The following NCKAP5 variants were observed in gnomAD, a reference collection of about 807,000 sequenced individuals.
NCKAP5 encodes nck-associated protein 5.
In NCKAP5, 92 loss-of-function variants were observed where a neutral mutation model predicts 167.0. The ratio of observed to expected loss-of-function variants is 0.55; its 90% CI spans 0.47 to 0.66. The LOEUF is 0.66. Among genes scored for constraint, NCKAP5 ranks in the 30% least tolerant of loss-of-function variants. The pLI is 0.00. For synonymous variants in NCKAP5, 891 were observed against 877.4 expected, an observed-to-expected ratio of 1.02 and a Z score of -0.27; for missense variants, 2,378 against 2,315.0, an observed-to-expected ratio of 1.03 and a Z score of -0.56.
intron 10 of NCKAP5, among the ~76,000 whole-genome samples, chr2:132,867,761 C>T (rs1690472785): frequency 6.6e-6 from 1 of 152,054 alleles, no homozygotes; most frequent in Non-Finnish European, 1.5e-5. Flanking sequence ...GTTACCATTC[C>T]TGTTCGGCCT....
At chr2:133,602,635 TG>T in the NCKAP5 span, among the ~76,000 whole-genome samples, 1 of 152,214 alleles carries the variant, frequency 6.6e-6, no homozygotes, top group Non-Finnish European at 1.5e-5. Context: ...GGCTAAGTCT[TG>T]TTTTACAACT....
the NCKAP5 span, among the ~76,000 whole-genome samples, chr2:133,639,233 AT>A: frequency 6.6e-6 from 1 of 152,178 alleles, no homozygotes; most frequent in Non-Finnish European, 1.5e-5. Flanking sequence ...GTATAAACTG[AT>A]TCAGTAATTT....
intron 6 of NCKAP5, among the ~76,000 whole-genome samples, chr2:133,089,213 T>C (rs6723511): frequency 0.016 from 2,469 of 152,350 alleles, 69 homozygotes; most frequent in African/African-American, 0.056. Flanking sequence ...ATTCAGTCTA[T>C]AGTACTCACA....
chr2:132,784,935 A>AT lies in NCKAP5; in HGVS notation c.1875dup (p.Ser626IlefsTer7), dbSNP rs1558773036. The AT allele has an allele frequency of 6.3e-7, 1 of 1,598,780 alleles. No homozygotes were observed. Among genetic ancestry groups the AT allele is most frequent in the South Asian group, 1.1e-5 (1 of 88,600 alleles). On this transcript the variant is annotated frameshift_variant, in exon 14 of 20. Coordinates refer to ENST00000409261, the MANE Select transcript of NCKAP5 (RefSeq NM_207363.3). LOFTEE classifies it high-confidence loss of function. ...TCCTCTTCAGGAGACCCACATAGAGATTTTCCAAACCCCACAAGGACATCC... is the reference window on the plus strand; with the variant it reads ...TCCTCTTCAGGAGACCCACATAGAGATTTTTCCAAACCCCACAAGGACATCC...
chr2:133,339,840 T>A (rs767630550), intron 3 of NCKAP5, among the ~76,000 whole-genome samples: 1 of 152,378 alleles, frequency 6.6e-6, no homozygotes, highest in African/African-American at 2.4e-5. Flanking sequence ...TGTCCCATCC[T>A]GTAAGTAGGC....
At position 133,376,183 on chromosome 2, in the gene NCKAP5, T is replaced by C. The variant is rs1016085856; in HGVS notation, c.70-73073A>G. Among the ~76,000 whole-genome samples, 4 of 152,232 alleles carry C rather than the reference T, an allele frequency of 2.6e-5. No individual in the cohort carries two copies. In the East Asian group the frequency reaches 7.7e-4, roughly 29 times the overall value. On this transcript the variant is annotated intron_variant, in intron 3 of 19. Coordinates refer to ENST00000409261, the MANE Select transcript of NCKAP5 (RefSeq NM_207363.3). ...GAAAGGAAGAACTGATTCCAATACA[T>C]GATGGCTGTCATCTCAAATTGAGAA...
At chr2:132,950,153 C>G (rs967214805) in intron 8 of NCKAP5, among the ~76,000 whole-genome samples, 2 of 152,108 alleles carry the variant, frequency 1.3e-5, no homozygotes, top group Non-Finnish European at 2.9e-5. Flanking sequence ...TACACCTTTA[C>G]TCCTAGATTG....
intron 3 of NCKAP5, among the ~76,000 whole-genome samples, chr2:133,430,414 T>C (rs1486032317): frequency 6.6e-6 from 1 of 152,166 alleles, no homozygotes; most frequent in African/African-American, 2.4e-5. Flanking sequence ...TTGTTGCTTT[T>C]GTTTTTGGAG....
At chr2:133,382,113 TCA>T (rs1388723631) in intron 3 of NCKAP5, among the ~76,000 whole-genome samples, 1 of 152,224 alleles carries the variant, frequency 6.6e-6, no homozygotes, top group East Asian at 1.9e-4. Context: ...AAACCACTCT[TCA>T]CACAGTTATG....
At chr2:133,196,450 C>A (rs754385685) in intron 5 of NCKAP5, among the ~76,000 whole-genome samples, 6 of 152,182 alleles carry the variant, frequency 3.9e-5, no homozygotes, top group Non-Finnish European at 5.9e-5. Flanking sequence ...CGCTTGACAT[C>A]TTCACTGAAT....
At chr2:133,210,946 T>G (rs1332409511) in intron 5 of NCKAP5, among the ~76,000 whole-genome samples, 1 of 152,034 alleles carries the variant, frequency 6.6e-6, no homozygotes, top group African/African-American at 2.4e-5. Flanking sequence ...AAAGCATGAG[T>G]CAGGGATCCG....
intron 16 of NCKAP5, among the ~76,000 whole-genome samples, chr2:132,732,435 A>T (rs906468983): frequency 6.8e-5 from 10 of 146,544 alleles, no homozygotes; most frequent in Admixed American, 2.7e-4. Context: ...AAAGTGTAAT[A>T]AAAAAAAAGA....
chr2:133,296,453 T>A (rs2150537868), intron 4 of NCKAP5, among the ~76,000 whole-genome samples: 1 of 151,544 alleles, frequency 6.6e-6, no homozygotes, highest in Non-Finnish European at 1.5e-5. Flanking sequence ...AAAGAAAGAA[T>A]ATCTTAAGTG....
chr2:132,704,931 T>C (rs1181698757), intron 19 of NCKAP5, among the ~76,000 whole-genome samples: 2 of 152,204 alleles, frequency 1.3e-5, no homozygotes. Context: ...CTCTAGTCCA[T>C]TCCCTCTCCT....
chr2:132,703,899 G>A (rs1688107134), intron 19 of NCKAP5, among the ~76,000 whole-genome samples: 1 of 152,082 alleles, frequency 6.6e-6, no homozygotes, highest in Admixed American at 6.6e-5. Context: ...TGACATACAT[G>A]GATAACCCCC....
intron 1 of NCKAP5, among the ~76,000 whole-genome samples, chr2:133,567,505 T>G (rs759852312): frequency 1.3e-4 from 20 of 152,190 alleles, no homozygotes; most frequent in Non-Finnish European, 2.6e-4. Context: ...GTTTGCCTTT[T>G]TCAGTAGTAC....
chr2:133,443,925 G>C (rs1691015549), intron 3 of NCKAP5, among the ~76,000 whole-genome samples: 1 of 152,134 alleles, frequency 6.6e-6, no homozygotes, highest in East Asian at 1.9e-4. Context: ...CTCCTGCCCA[G>C]GGCAACTGGC....
At chr2:132,911,229 T>C (rs1694425241) in intron 8 of NCKAP5, 1 of 167,928 alleles carries the variant, frequency 6.0e-6, no homozygotes, top group Non-Finnish European at 1.3e-5. Flanking sequence ...ACTCACGTCT[T>C]ACAAACTGAT....
At chr2:132,682,275 C>T (rs989337431) in intron 19 of NCKAP5, among the ~76,000 whole-genome samples, 7 of 152,060 alleles carry the variant, frequency 4.6e-5, no homozygotes, top group African/African-American at 7.2e-5. Context: ...GGGAGGTTGC[C>T]GATGGGAATC....
Sources: gnomAD v4.1 joint callset for allele counts (sites outside exome capture counted in the v4.1 genomes callset) on GRCh38, gnomAD v4.1.1 for gene constraint, MANE v1.5 for transcripts, NCBI Gene and HGNC (gene_info 2026-07-23, HGNC 2026-07-21) for gene names.